The following MAPK10 variants were observed in gnomAD, a reference collection of about 807,000 sequenced individuals.
MAPK10 encodes the protein mitogen-activated protein kinase 10.
Under a neutral mutation model 59.3 loss-of-function variants are expected in MAPK10, and 25 were observed. That is an observed-to-expected ratio of 0.42 (90% CI 0.31 to 0.59). MAPK10 has a LOEUF of 0.59. Ranked by LOEUF, MAPK10 falls within the 20% of genes least tolerant of loss-of-function variation. MAPK10 has a pLI of 0.15. For synonymous variants in MAPK10, 190 were observed against 200.5 expected, an observed-to-expected ratio of 0.95 and a Z score of 0.44; for missense variants, 351 against 568.9, an observed-to-expected ratio of 0.62 and a Z score of 3.90.
At chr4:86,354,459 A>G in intron 2 of MAPK10, 71 bp downstream of exon 2, 2 of 577,024 alleles carry the variant, frequency 3.5e-6, no homozygotes, top group Non-Finnish European at 5.1e-6. Context: ...ACAAAACCAT[A>G]TGCAATATTT....
intron 1 of MAPK10, among the ~76,000 whole-genome samples, chr4:86,591,676 C>T (rs991034842): frequency 7.9e-5 from 12 of 152,092 alleles, no homozygotes; most frequent in African/African-American, 2.9e-4. Flanking sequence ...GCCCCACCCC[C>T]CGTATGTTAA....
intron 13 of MAPK10, chr4:86,020,747 C>T (rs1198636143): frequency 1.3e-5 from 2 of 153,800 alleles, no homozygotes; most frequent in Non-Finnish European, 2.9e-5. Context: ...TGGAGCTTTT[C>T]GTTCCTCCCA....
chr4:86,087,906 C>T (rs2052256249), intron 9 of MAPK10, among the ~76,000 whole-genome samples: 1 of 151,962 alleles, frequency 6.6e-6, no homozygotes, highest in South Asian at 2.1e-4. Flanking sequence ...ACGCAAATGG[C>T]TAATCATAAT....
chr4:86,013,185 G>A lies in MAPK10; in HGVS notation c.*4043C>T, dbSNP rs1251928696. On this transcript the variant is annotated 3_prime_UTR_variant, in exon 14 of 14. Transcript: ENST00000641462. ...ATAGTTAAAGGACTAAGTACCAAAA[G>A]AAATAACAAAATCTTATCCTCTAAT... 1.3e-5 allele frequency: 2 copies of A among 152,118 alleles called. No homozygotes were observed. Among genetic ancestry groups the A allele is most frequent in the East Asian group, 3.9e-4 (2 of 5,194 alleles). 9.4% of individuals were successfully genotyped at this position (152,118 alleles called of 1,614,324 possible).
chr4:86,219,050 T>C (rs115141914), intron 2 of MAPK10, among the ~76,000 whole-genome samples: 4,525 of 152,324 alleles, frequency 0.03, 93 homozygotes, highest in South Asian at 0.041. Flanking sequence ...CATACATCTC[T>C]CCGACTTCCC....
intron 1 of MAPK10, among the ~76,000 whole-genome samples, chr4:86,459,280 C>A (rs910693185): frequency 6.6e-6 from 1 of 152,142 alleles, no homozygotes; most frequent in Non-Finnish European, 1.5e-5. Context: ...ATGCAGTGAA[C>A]AGGGAACACT....
intron 2 of MAPK10, among the ~76,000 whole-genome samples, chr4:86,317,649 G>T (rs1267437231): frequency 6.6e-6 from 1 of 152,072 alleles, no homozygotes; most frequent in Non-Finnish European, 1.5e-5. Context: ...ACATATTAGT[G>T]AGCAGGTGCT....
At position 86,554,074 on chromosome 4, in the gene MAPK10, G is replaced by A. The variant is rs1760068904; in HGVS notation, c.-263+39836C>T. Among the ~76,000 whole-genome samples the A allele has an allele frequency of 2.6e-5, 4 of 152,100 alleles. No homozygotes were observed. In the South Asian group the frequency reaches 8.3e-4, roughly 32 times the overall value. ...TTCTTAAAAGACAGAAAGGGGAGGA[G>A]AAGGCAGGACGAGGGGGTAGTCATG... On this transcript the variant is annotated intron_variant, in intron 1 of 4. Transcript: ENST00000502302.
At chr4:86,582,293 TTGTTA>T (rs139158677) in intron 1 of MAPK10, among the ~76,000 whole-genome samples, 7,076 of 152,170 alleles carry the variant, frequency 0.047, 213 homozygotes, top group African/African-American at 0.061. Flanking sequence ...TTTGTTTACT[TTGTTA>T]TAAGTTCAGT....
At chr4:86,311,365 T>A (rs1004488318) in intron 2 of MAPK10, among the ~76,000 whole-genome samples, 1 of 152,112 alleles carries the variant, frequency 6.6e-6, no homozygotes, top group Non-Finnish European at 1.5e-5. Context: ...CATGACTATA[T>A]AAACTCTTTT....
intron 1 of MAPK10, among the ~76,000 whole-genome samples, chr4:86,591,662 C>T (rs1465700056): frequency 6.6e-6 from 1 of 152,212 alleles, no homozygotes; most frequent in Admixed American, 6.5e-5. Flanking sequence ...GCATAAGCCA[C>T]TGTGCCCCAC....
At chr4:86,577,918 A>C (rs1455047512) in intron 1 of MAPK10, among the ~76,000 whole-genome samples, 1 of 152,188 alleles carries the variant, frequency 6.6e-6, no homozygotes, top group Non-Finnish European at 1.5e-5. Context: ...AGTGCTTCAC[A>C]AATACTATCC....
At chr4:86,111,820 C>T (rs1348789817) in intron 4 of MAPK10, among the ~76,000 whole-genome samples, 3 of 151,942 alleles carry the variant, frequency 2.0e-5, no homozygotes, top group Non-Finnish European at 4.4e-5. Context: ...TCCTCTTTGC[C>T]CCTCTGGTAG....
intron 1 of MAPK10, among the ~76,000 whole-genome samples, chr4:86,528,837 G>C (rs1013209942): frequency 2.2e-4 from 34 of 152,178 alleles, no homozygotes; most frequent in Admixed American, 2.2e-3. Flanking sequence ...CTCTCATTCA[G>C]ATATTTCAGA....
At chr4:86,452,776 C>T (rs539619659) in intron 1 of MAPK10, among the ~76,000 whole-genome samples, 1 of 152,228 alleles carries the variant, frequency 6.6e-6, no homozygotes, top group African/African-American at 2.4e-5. Context: ...GACTGCAGCT[C>T]CCACTCGGAC....
At chr4:86,187,785 ATACTTT>A (rs1477181919) in intron 3 of MAPK10, among the ~76,000 whole-genome samples, 1 of 152,162 alleles carries the variant, frequency 6.6e-6, no homozygotes, top group Non-Finnish European at 1.5e-5. Context: ...TTAAAAACTT[ATACTTT>A]AAGTTCTGCG....
rs150054958 is a variant in MAPK10, at chr4:86,189,446, C to G, written c.66+4890G>C. Among the ~76,000 whole-genome samples, 388 of 152,224 alleles carry G rather than the reference C, an allele frequency of 2.5e-3. 3 individuals carry two copies. Among genetic ancestry groups the G allele is most frequent in the African/African-American group, 9.1e-3 (378 of 41,548 alleles). On this transcript the variant is annotated intron_variant, in intron 3 of 13. Transcript: ENST00000641462. The stretch of plus-strand genomic sequence containing the variant: ...TCCTTCAGCCATGTTTTGTAGTTCT[C>G]CTTGAAGAGGTCATTCGCATCCCTT...
intron 2 of MAPK10, among the ~76,000 whole-genome samples, chr4:86,291,740 A>G (rs1256701341): frequency 6.6e-6 from 1 of 152,208 alleles, no homozygotes; most frequent in Non-Finnish European, 1.5e-5. Flanking sequence ...TCCAAACTGA[A>G]GGGATTCTAA....
rs1473985771 is a variant in MAPK10, at chr4:86,098,513, T to C, written c.802+11A>G. On this transcript the variant is annotated intron_variant, in intron 9 of 13. Transcript: ENST00000641462. ...AAACAGGTAAAGCTGTAGCAAAAGG[T>C]ACAAGGATACAGTCCCTTCCTGGAA... 2 of 1,611,402 alleles carry C rather than the reference T, an allele frequency of 1.2e-6. No individual in the cohort carries two copies. Among genetic ancestry groups the C allele is most frequent in the Non-Finnish European group, 1.7e-6 (2 of 1,177,628 alleles).
Sources: gnomAD v4.1 joint callset for allele counts (sites outside exome capture counted in the v4.1 genomes callset) on GRCh38, gnomAD v4.1.1 for gene constraint, MANE v1.5 for transcripts, NCBI Gene and HGNC (gene_info 2026-07-23, HGNC 2026-07-21) for gene names.